CAST: variants seen among roughly 807,000 people sequenced by gnomAD.
CAST encodes MIR583 host.
A neutral mutation model predicts 119.6 loss-of-function variants in CAST; 76 were observed. The observed-to-expected ratio is 0.64, with a 90% CI of 0.53 to 0.77. CAST has a LOEUF of 0.77. CAST is among the 30% of genes least tolerant of loss of function. The pLI is 0.00. For missense variants in CAST, 953 were observed against 946.5 expected, an observed-to-expected ratio of 1.01 and a Z score of -0.09; for synonymous variants, 319 against 331.6, an observed-to-expected ratio of 0.96 and a Z score of 0.41.
the CAST span, among the ~76,000 whole-genome samples, chr5:96,387,525 ATTTC>A: frequency 7.0e-6 from 1 of 142,778 alleles, no homozygotes; most frequent in Non-Finnish European, 1.5e-5. Flanking sequence ...CAGCCCATAA[ATTTC>A]TTTATTATTA....
the CAST span, among the ~76,000 whole-genome samples, chr5:95,990,598 G>A: frequency 6.6e-6 from 1 of 151,938 alleles, no homozygotes; most frequent in Non-Finnish European, 1.5e-5. Flanking sequence ...AGAAATTAGA[G>A]TTGAGCTCAT....
chr5:96,352,678 T>A, the CAST span, among the ~76,000 whole-genome samples: 1 of 152,174 alleles, frequency 6.6e-6, no homozygotes, highest in Non-Finnish European at 1.5e-5. Flanking sequence ...TGGACAGGTA[T>A]GCAGTTAATA....
the CAST span, among the ~76,000 whole-genome samples, chr5:96,194,014 A>G: frequency 8.5e-5 from 13 of 152,206 alleles, no homozygotes; most frequent in African/African-American, 3.1e-4. Flanking sequence ...CTAAGCCTAA[A>G]GCAGAGGACA....
the CAST span, among the ~76,000 whole-genome samples, chr5:96,053,962 G>T: frequency 6.6e-6 from 1 of 152,102 alleles, no homozygotes; most frequent in East Asian, 1.9e-4. Context: ...GCTCAAAGGG[G>T]ATCATAGTGC....
chr5:96,113,152 G>C, the CAST span, among the ~76,000 whole-genome samples: 1 of 152,208 alleles, frequency 6.6e-6, no homozygotes, highest in Non-Finnish European at 1.5e-5. Context: ...CAGCAGGCTA[G>C]AAATTGGATT....
At chr5:96,132,992 A>G in the CAST span, among the ~76,000 whole-genome samples, 1 of 152,184 alleles carries the variant, frequency 6.6e-6, no homozygotes, top group East Asian at 1.9e-4. Context: ...CTTCAGAAAT[A>G]TTAAGATGAC....
At chr5:96,190,349 C>G in the CAST span, among the ~76,000 whole-genome samples, 1 of 152,086 alleles carries the variant, frequency 6.6e-6, no homozygotes, top group African/African-American at 2.4e-5. Context: ...GAAGGGAGAT[C>G]AGAAAGTGTA....
intron 1 of CAST, among the ~76,000 whole-genome samples, chr5:96,647,281 T>G (rs568314900): frequency 6.6e-6 from 1 of 152,312 alleles, no homozygotes; most frequent in Admixed American, 6.5e-5. Context: ...AAGGCATTGG[T>G]TGTACAAGAT....
the CAST span, among the ~76,000 whole-genome samples, chr5:96,429,661 G>A: frequency 4.6e-5 from 7 of 152,012 alleles, no homozygotes; most frequent in Non-Finnish European, 5.9e-5. Flanking sequence ...ATGTATTTAC[G>A]TGTTCTCATC....
At chr5:96,530,956 A>G (rs983392624) in intron 1 of CAST, among the ~76,000 whole-genome samples, 2 of 152,010 alleles carry the variant, frequency 1.3e-5, no homozygotes, top group Admixed American at 6.6e-5. Flanking sequence ...CCATGCCTAG[A>G]TAATTTTTGT....
the CAST span, chr5:96,392,139 A>G: frequency 6.6e-6 from 1 of 151,926 alleles, no homozygotes. Flanking sequence ...GCTGAAAAAA[A>G]TTGTGACTAG....
chr5:96,679,112 AC>A (rs1297810533), intron 2 of CAST, among the ~76,000 whole-genome samples: 1 of 151,730 alleles, frequency 6.6e-6, no homozygotes, highest in African/African-American at 2.4e-5. Context: ...TAATCTTCCC[AC>A]CTCCCAAAGT....
the CAST span, among the ~76,000 whole-genome samples, chr5:96,264,401 A>G: frequency 1.3e-5 from 2 of 152,216 alleles, no homozygotes; most frequent in Non-Finnish European, 2.9e-5. Context: ...TTCATTTATA[A>G]CTATAGCCTA....
intron 25 of CAST, chr5:96,762,635 G>A (rs923755877): frequency 5.4e-5 from 21 of 386,258 alleles, no homozygotes; most frequent in Non-Finnish European, 8.7e-5. Flanking sequence ...AGAATTGAAA[G>A]TGCAATAAAG....
intron 10 of CAST, among the ~76,000 whole-genome samples, chr5:96,736,812 G>A (rs914220244): frequency 6.6e-5 from 10 of 151,906 alleles, no homozygotes; most frequent in African/African-American, 2.4e-4. Flanking sequence ...ATAGATAGAA[G>A]CACTCTTATT....
chr5:96,049,889 CAAAAAAAAAAAAAAAAAAA>C, the CAST span, among the ~76,000 whole-genome samples: 3 of 34,188 alleles, frequency 8.8e-5, no homozygotes, highest in Non-Finnish European at 1.6e-4. Context: ...GAACAGGAGG[CAAAAAAAAAAAAAAAAAAA>C]AAAAAAAAAG....
chr5:96,435,465 A>C, the CAST span, among the ~76,000 whole-genome samples: 2 of 152,194 alleles, frequency 1.3e-5, no homozygotes, highest in Non-Finnish European at 2.9e-5. Flanking sequence ...AGAAGAAATA[A>C]ATTTCTGCCA....
chr5:96,368,500 T>TAA, the CAST span, among the ~76,000 whole-genome samples: 136 of 133,190 alleles, frequency 1.0e-3, no homozygotes, highest in South Asian at 2.9e-3. Flanking sequence ...AAACTCCATC[T>TAA]AAAAAAAAAA....
At chr5:96,067,300 T>C in the CAST span, among the ~76,000 whole-genome samples, 1 of 152,214 alleles carries the variant, frequency 6.6e-6, no homozygotes, top group Non-Finnish European at 1.5e-5. Context: ...ATTTTATAGG[T>C]GTAGGAAATC....
Sources: allele counts gnomAD v4.1 joint callset (sites outside exome capture counted in the v4.1 genomes callset), GRCh38; gene constraint gnomAD v4.1.1; transcripts MANE v1.5; gene names NCBI Gene and HGNC (gene_info 2026-07-23, HGNC 2026-07-21).